PPP1R9A: variants seen among roughly 807,000 people sequenced by gnomAD.
The protein encoded by PPP1R9A is protein phosphatase 1 regulatory subunit 9A.
A neutral mutation model predicts 141.9 loss-of-function variants in PPP1R9A; 59 were observed. The ratio of observed to expected loss-of-function variants is 0.42; its 90% CI spans 0.34 to 0.52. The LOEUF is 0.52. Among genes scored for constraint, PPP1R9A ranks in the 20% least tolerant of loss-of-function variants. The probability of loss-of-function intolerance (pLI) is 0.10; values close to 1 mark genes in which losing one functional copy is unlikely to be tolerated. For synonymous variants in PPP1R9A, 500 were observed against 569.7 expected, an observed-to-expected ratio of 0.88 and a Z score of 1.74; for missense variants, 1,444 against 1,611.9, an observed-to-expected ratio of 0.90 and a Z score of 1.78.
chr7:95,080,126 T>G (rs868447125), intron 2 of PPP1R9A, among the ~76,000 whole-genome samples: 1 of 152,136 alleles, frequency 6.6e-6, no homozygotes. Flanking sequence ...GGCATTCAAT[T>G]AGGAAAAGAG....
At position 94,910,957 on chromosome 7, in the gene PPP1R9A, G is replaced by T. The variant is rs141626295; in HGVS notation, c.844G>T (p.Val282Leu). 1.2e-6 allele frequency: 2 copies of T among 1,614,184 alleles called. No individual in the cohort carries two copies. Among genetic ancestry groups the T allele is most frequent in the Non-Finnish European group, 1.7e-6 (2 of 1,180,040 alleles). ...GAGTAATGCAACTCCAGTACCAGAA[G>T]TGGCTTCTAAAAGTACCTCTCTAGC... Reference protein sequence around the residue: ...HKSNATPVPEVASKSTSLASI... With the variant: ...HKSNATPVPELASKSTSLASI... The change falls in exon 2 of 20, where the codon GTG becomes TTG. Residue 282 changes from valine to leucine, a missense_variant. Transcript: ENST00000433360. The surrounding 1 kb of genome is among the most constrained non-coding windows in gnomAD (Gnocchi z 4.5).
intron 14 of PPP1R9A, among the ~76,000 whole-genome samples, chr7:95,270,319 C>G (rs749999154): frequency 1.1e-4 from 17 of 152,020 alleles, no homozygotes; most frequent in Non-Finnish European, 2.4e-4. Flanking sequence ...AGTGTTATAC[C>G]TTTACTTTTG....
chr7:95,280,973 G>T (rs1321726312), intron 16 of PPP1R9A, among the ~76,000 whole-genome samples: 1 of 152,146 alleles, frequency 6.6e-6, no homozygotes, highest in African/African-American at 2.4e-5. Flanking sequence ...TGCTTCTATT[G>T]TGGGCCCAAG....
chr7:95,172,790 C>T (rs899282421), intron 5 of PPP1R9A, among the ~76,000 whole-genome samples: 5 of 151,884 alleles, frequency 3.3e-5, no homozygotes, highest in African/African-American at 7.2e-5. Flanking sequence ...AAAAAAATTT[C>T]GGAGGACTTT....
intron 8 of PPP1R9A, among the ~76,000 whole-genome samples, chr7:95,244,310 G>A (rs1468146856): frequency 1.3e-5 from 2 of 152,118 alleles, no homozygotes; most frequent in Admixed American, 1.3e-4. Context: ...ACCTGGGTTT[G>A]TCCCACAATT....
chr7:95,195,541 G>C (rs1836136523), intron 5 of PPP1R9A, among the ~76,000 whole-genome samples: 1 of 151,228 alleles, frequency 6.6e-6, no homozygotes, highest in Non-Finnish European at 1.5e-5. Flanking sequence ...GCCTCCCGAA[G>C]TGCTGGGGTT....
chr7:95,237,539 T>C (rs1796881569), intron 8 of PPP1R9A, among the ~76,000 whole-genome samples: 1 of 151,956 alleles, frequency 6.6e-6, no homozygotes, highest in Non-Finnish European at 1.5e-5. Context: ...CAAACACATA[T>C]ACACATTTTT....
intron 4 of PPP1R9A, among the ~76,000 whole-genome samples, chr7:95,139,094 A>G (rs1826177361): frequency 6.6e-6 from 1 of 152,240 alleles, no homozygotes; most frequent in Non-Finnish European, 1.5e-5. Context: ...AACAACTTAT[A>G]TTAGTCCATT....
chr7:95,280,634 T>G (rs1220652353), intron 16 of PPP1R9A, among the ~76,000 whole-genome samples: 1 of 152,208 alleles, frequency 6.6e-6, no homozygotes, highest in African/African-American at 2.4e-5. Flanking sequence ...GAGTGACTTA[T>G]GATTCTCTTT....
intron 3 of PPP1R9A, among the ~76,000 whole-genome samples, chr7:95,114,693 G>C (rs1223305291): frequency 6.6e-6 from 1 of 151,816 alleles, no homozygotes; most frequent in Non-Finnish European, 1.5e-5. Context: ...ATCAAGGAGT[G>C]GGTTAATATA....
rs1243587925 is a variant in PPP1R9A, at chr7:95,128,012, T to C, written c.1649+7180T>C. On this transcript the variant is annotated intron_variant, in intron 4 of 19. Transcript: ENST00000433360. ...GCATGTGTCTTTCTGGTAAAATGAT[T>C]TGTTTTCTTTTGGATATCTACCCAG... Among the ~76,000 whole-genome samples, 3 of 152,190 alleles carry C rather than the reference T, an allele frequency of 2.0e-5. No homozygotes were observed. In the East Asian group the frequency reaches 5.8e-4, roughly 29 times the overall value.
intron 8 of PPP1R9A, among the ~76,000 whole-genome samples, chr7:95,237,553 G>A (rs1281683950): frequency 2.6e-5 from 4 of 151,698 alleles, no homozygotes; most frequent in Non-Finnish European, 5.9e-5. Context: ...CATTTTTTCT[G>A]TACTATGGCT....
intron 12 of PPP1R9A, among the ~76,000 whole-genome samples, chr7:95,254,808 T>C (rs1335493466): frequency 1.3e-5 from 2 of 152,204 alleles, no homozygotes; most frequent in East Asian, 1.9e-4. Flanking sequence ...TATTGAATTA[T>C]AAATTTTTGA....
chr7:95,279,776 C>G (rs1246056507), intron 16 of PPP1R9A, among the ~76,000 whole-genome samples: 1 of 152,174 alleles, frequency 6.6e-6, no homozygotes, highest in African/African-American at 2.4e-5. Flanking sequence ...AAGGTAGAAT[C>G]AGTGGACACA....
At chr7:95,177,380 G>A (rs1423126987) in intron 5 of PPP1R9A, among the ~76,000 whole-genome samples, 1 of 152,032 alleles carries the variant, frequency 6.6e-6, no homozygotes, top group Non-Finnish European at 1.5e-5. Context: ...TCTAAATCTT[G>A]AAACAAATCA....
chr7:95,257,243 T>A (rs1027345486), intron 12 of PPP1R9A, among the ~76,000 whole-genome samples: 3 of 152,108 alleles, frequency 2.0e-5, no homozygotes, highest in African/African-American at 7.2e-5. Context: ...TCCCAGCAAT[T>A]GTCAAGTGGT....
rs1478716534 is a variant in PPP1R9A, at chr7:94,938,882, T to A, written c.1395+27374T>A. On this transcript the variant is annotated intron_variant, in intron 2 of 19. Transcript: ENST00000433360. ...GAGGATTGAAAGAGTTCTTGCAGTA[T>A]TTTCTCATATAATCTTAGACACGTA... 2.0e-5 allele frequency among the ~76,000 whole-genome samples: 3 copies of A among 152,330 alleles called. No homozygotes were observed. The East Asian group carries it at 5.8e-4, about 29-fold the overall frequency.
intron 2 of PPP1R9A, among the ~76,000 whole-genome samples, chr7:95,060,160 G>C (rs980597741): frequency 6.6e-6 from 1 of 152,120 alleles, no homozygotes; most frequent in African/African-American, 2.4e-5. Flanking sequence ...CACTCTAATG[G>C]AGCTATAGCC....
At chr7:95,246,155 C>G (rs1798090909) in intron 8 of PPP1R9A, among the ~76,000 whole-genome samples, 1 of 152,108 alleles carries the variant, frequency 6.6e-6, no homozygotes, top group Non-Finnish European at 1.5e-5. Context: ...TCCATCTTCC[C>G]TTTATCATCC....
Sources: gnomAD v4.1 joint callset for allele counts (sites outside exome capture counted in the v4.1 genomes callset) on GRCh38, gnomAD v4.1.1 for gene constraint, Gnocchi (gnomAD v3.1) non-coding constraint, MANE v1.5 for transcripts, NCBI Gene and HGNC (gene_info 2026-07-23, HGNC 2026-07-21) for gene names.